The following COL4A4 variants were observed in gnomAD, a reference collection of about 807,000 sequenced individuals.
COL4A4 encodes collagen alpha-4(IV) chain.
In COL4A4, 105 loss-of-function variants were observed where a neutral mutation model predicts 192.9. That is an observed-to-expected ratio of 0.54 (90% confidence interval 0.46 to 0.64). The LOEUF (loss-of-function observed/expected upper bound fraction) is 0.64, where lower values mean the gene tolerates loss of function less well. COL4A4 is among the 30% of genes least tolerant of loss of function. The pLI is 0.00. For missense variants in COL4A4, 1,967 were observed against 2,169.3 expected (o/e 0.91, Z 1.85); for synonymous variants, 762 against 769.9 (o/e 0.99, Z 0.17).
At chr2:226,976,133 G>C in the COL4A4 span, among the ~76,000 whole-genome samples, 3 of 151,406 alleles carry the variant, frequency 2.0e-5, no homozygotes, top group African/African-American at 7.3e-5. Flanking sequence ...CTTGGAAGGT[G>C]TGAGAGCACA....
At chr2:227,150,202 G>A (rs552756831) in intron 1 of COL4A4, among the ~76,000 whole-genome samples, 7 of 152,180 alleles carry the variant, frequency 4.6e-5, no homozygotes, top group South Asian at 2.1e-4. Context: ...AAGTGAGGGC[G>A]TGGAAGAAGG....
Position 227,089,974 on chromosome 2 carries a change from G to T in COL4A4, c.1370-17C>A, listed in dbSNP as rs369350196. On this transcript the variant is annotated splice_polypyrimidine_tract_variant and intron_variant, in intron 20 of 47. Coordinates refer to ENST00000396625, the MANE Select transcript of COL4A4 (RefSeq NM_000092.5). ...AGTATATCACTGTCAAGGAGGTAAG[G>T]GGGTGGGCAGAGAGAATCACATAAT... The T allele has an allele frequency of 1.3e-5, 20 of 1,595,150 alleles. No homozygotes were observed. In the Admixed American group the frequency reaches 3.3e-4, roughly 27 times the overall value.
chr2:227,039,155 C>A (rs1233073984), intron 37 of COL4A4, among the ~76,000 whole-genome samples: 1 of 151,972 alleles, frequency 6.6e-6, no homozygotes, highest in Non-Finnish European at 1.5e-5. Flanking sequence ...AATTTATTAG[C>A]TATTAGTTTT....
intron 40 of COL4A4, among the ~76,000 whole-genome samples, chr2:227,031,073 A>ATGGATG (rs1559452539): frequency 7.1e-5 from 4 of 56,034 alleles, no homozygotes; most frequent in African/African-American, 2.9e-4. Flanking sequence ...ATGGATGGAT[A>ATGGATG]GACTGATGGA....
At position 227,033,361 on chromosome 2, in the gene COL4A4, T is replaced by C. The variant is rs763040066; in HGVS notation, c.3577+49A>G. On this transcript the variant is annotated intron_variant, in intron 38 of 47. Coordinates refer to ENST00000396625, the MANE Select transcript of COL4A4 (RefSeq NM_000092.5). ...CCAGGGAGGGTACCACTTTCTCTCA[T>C]GAACCATGGACTGAAGCTCAGTCTG... is the stretch of plus-strand genomic sequence containing the variant. 2.0e-6 allele frequency: 3 copies of C among 1,480,474 alleles called. No homozygotes were observed. The South Asian group carries it at 3.4e-5, about 17-fold the overall frequency. The allele number at this position is 1,480,474 out of a possible 1,614,324, so 91.7% of individuals were successfully genotyped here.
intron 4 of COL4A4, among the ~76,000 whole-genome samples, chr2:227,125,505 T>C (rs1478134086): frequency 6.6e-6 from 1 of 151,740 alleles, no homozygotes; most frequent in Admixed American, 6.6e-5. Context: ...CACTGCACCC[T>C]GCCCATATAA....
rs192174842 is a variant in COL4A4, at chr2:227,146,412, T to C, written c.71+1001A>G. 1.4e-4 allele frequency among the ~76,000 whole-genome samples: 22 copies of C among 152,330 alleles called. No individual in the cohort carries two copies. The East Asian group carries it at 3.1e-3, about 21-fold the overall frequency. On this transcript the variant is annotated intron_variant, in intron 2 of 47. Transcript: ENST00000396625. The stretch of plus-strand genomic sequence containing the variant: ...CCTTCACTTCTTTCACTCCCCGTAA[T>C]TTCTTGTTCATTATCCTCAGAACTT...
rs1553633321 is a variant in COL4A4 at position 227,041,852 on chromosome 2, A to AAGAAAG, written c.3505+290_3505+295dup. On this transcript the variant is annotated intron_variant, in intron 37 of 47. Coordinates refer to ENST00000396625, the MANE Select transcript of COL4A4 (RefSeq NM_000092.5). ...AGAAAGAAAGAAAGAAAGAAAGAGAAAGAAAGAAAGAAAGAAAGAAAGAAA... is the reference window on the plus strand; with the variant it reads ...AGAAAGAAAGAAAGAAAGAAAGAGAAAGAAAGAGAAAGAAAGAAAGAAAGAAAGAAA... 2.1e-3 allele frequency among the ~76,000 whole-genome samples: 150 copies of AAGAAAG among 71,328 alleles called. 2 individuals are homozygous for AAGAAAG. The highest frequency in any genetic ancestry group is 3.7e-3 in the African/African-American group (54 of 14,596). The allele number at this position is 71,328 out of a possible 152,430, so 46.8% of individuals were successfully genotyped here.
intron 1 of COL4A4, among the ~76,000 whole-genome samples, chr2:227,150,962 T>G (rs2063900902): frequency 6.6e-6 from 1 of 151,924 alleles, no homozygotes; most frequent in African/African-American, 2.4e-5. Context: ...CTACAAAGAA[T>G]ATAATTTCTG....
intron 2 of COL4A4, 58 bp downstream of exon 2, chr2:227,147,355 A>C: frequency 6.6e-7 from 1 of 1,505,416 alleles, no homozygotes; most frequent in Non-Finnish European, 9.2e-7. Flanking sequence ...CATCCATAGA[A>C]CAAACATTGA....
chr2:227,070,591 T>G (rs1224855258), intron 25 of COL4A4, among the ~76,000 whole-genome samples: 1 of 151,634 alleles, frequency 6.6e-6, no homozygotes, highest in East Asian at 1.9e-4. Flanking sequence ...AAACTGGAAA[T>G]CATCATTCTC....
intron 7 of COL4A4, among the ~76,000 whole-genome samples, chr2:227,116,771 G>C (rs2061512300): frequency 6.6e-6 from 1 of 152,122 alleles, no homozygotes. Flanking sequence ...TAGGTAAAGT[G>C]ACACAGATGA....
chr2:226,972,044 C>T, the COL4A4 span, among the ~76,000 whole-genome samples: 7 of 152,050 alleles, frequency 4.6e-5, no homozygotes, highest in Non-Finnish European at 7.4e-5. Context: ...GCCCCACGTG[C>T]ATTAGGTCTT....
the COL4A4 span, chr2:226,997,657 A>G: frequency 1.3e-5 from 2 of 152,214 alleles, no homozygotes; most frequent in African/African-American, 4.8e-5. Context: ...TGAGTCCACT[A>G]GTAGTACTTC....
chr2:227,066,536 G>C (rs2058352831), intron 25 of COL4A4, among the ~76,000 whole-genome samples: 1 of 152,272 alleles, frequency 6.6e-6, no homozygotes, highest in Non-Finnish European at 1.5e-5. Flanking sequence ...AACTCTACAA[G>C]CCAGAAGAGA....
intron 34 of COL4A4, among the ~76,000 whole-genome samples, chr2:227,049,346 C>T (rs1973557228): frequency 2.0e-5 from 3 of 152,280 alleles, no homozygotes; most frequent in Admixed American, 2.0e-4. Flanking sequence ...CCCGTGGGGC[C>T]AAATCTAGCC....
chr2:227,007,723 G>T, intron 47 of COL4A4, 135 bp from the exon 48 acceptor site: 2 of 1,267,880 alleles, frequency 1.6e-6, no homozygotes, highest in Non-Finnish European at 1.1e-6. Flanking sequence ...AAATACAAGC[G>T]CTGAAAAGGA....
At chr2:227,117,548 TGAGTGAC>T (rs1206135990) in intron 7 of COL4A4, among the ~76,000 whole-genome samples, 3 of 152,128 alleles carry the variant, frequency 2.0e-5, no homozygotes, top group African/African-American at 4.8e-5. Context: ...GGAAGACTCG[TGAGTGAC>T]AGCAGAATGA....
At chr2:227,047,122 A>G (rs186073185) in intron 35 of COL4A4, among the ~76,000 whole-genome samples, 157 of 152,130 alleles carry the variant, frequency 1.0e-3, no homozygotes, top group Middle Eastern at 3.4e-3. Flanking sequence ...CGAATGCATC[A>G]TTTTAAATGA....
Sources: gnomAD v4.1 joint callset for allele counts (sites outside exome capture counted in the v4.1 genomes callset) on GRCh38, gnomAD v4.1.1 for gene constraint, MANE v1.5 for transcripts, NCBI Gene and HGNC (gene_info 2026-07-23, HGNC 2026-07-21) for gene names.